The following ZNF518A variants were observed in gnomAD, a reference collection of about 807,000 sequenced individuals.
The protein encoded by ZNF518A is zinc finger protein 518.
Under a neutral mutation model 102.7 loss-of-function variants are expected in ZNF518A, and 47 were observed. That is an observed-to-expected ratio of 0.46 (90% confidence interval 0.36 to 0.58). The LOEUF is 0.58. Ranked by LOEUF, ZNF518A falls within the 20% of genes least tolerant of loss-of-function variation. The pLI is 0.00. For missense variants in ZNF518A, 1,793 were observed against 1,699.8 expected, an observed-to-expected ratio of 1.05 and a Z score of -0.96; for synonymous variants, 652 against 594.6, an observed-to-expected ratio of 1.10 and a Z score of -1.40.
rs2083651349 is a variant in ZNF518A, at chr10:96,201,895, A to G, written n.36-1679A>G. On this transcript the variant is annotated intron_variant and non_coding_transcript_variant, in intron 1 of 2. Coordinates refer to the ZNF518A transcript ENST00000442635. ...AGATGGGCAATAAAGACATAAGTAA[A>G]AAATATATATATAATGTTAGAGGGT... 2.0e-5 allele frequency among the ~76,000 whole-genome samples: 3 copies of G among 152,268 alleles called. No homozygotes were observed. The South Asian group carries it at 6.2e-4, about 32-fold the overall frequency.
rs116390570 is a variant in ZNF518A at position 96,158,911 on chromosome 10, A to G, written c.2589A>G (p.Lys863=). 1.6e-4 allele frequency: 256 copies of G among 1,613,678 alleles called. 2 individuals carry two copies. In the African/African-American group the frequency reaches 3.2e-3, roughly 20 times the overall value. ...TGAATTTGAAATTTGGAAAAGAAAA[A>G]CAAGTGTCATCAATACCACAAGATG... ...NDLNLKFGKE[K]QVSSIPQDVR... The change falls in exon 6 of 6, where the codon AAA becomes AAG. Residue 863 remains lysine, a synonymous_variant. Coordinates refer to ENST00000316045, the MANE Select transcript of ZNF518A (RefSeq NM_001330736.2).
intron 1 of ZNF518A, among the ~76,000 whole-genome samples, chr10:96,169,254 C>T (rs912448169): frequency 2.6e-5 from 4 of 152,330 alleles, no homozygotes; most frequent in Non-Finnish European, 5.9e-5. Context: ...ATCCTCCTTC[C>T]TTGGCCTCCC....
chr10:96,194,768 A>ATTTTTTTTTT lies in ZNF518A; in HGVS notation n.36-8795_36-8786dup, dbSNP rs71034364. On this transcript the variant is annotated intron_variant and non_coding_transcript_variant, in intron 1 of 2. Transcript: ENST00000442635. ...ATCACTAATCATCAGAGAAATGCAAATTTTTTTTTTTTTTTTTTTTGAGAC... is the reference window on the plus strand; with the variant it reads ...ATCACTAATCATCAGAGAAATGCAAATTTTTTTTTTTTTTTTTTTTTTTTTTTTTTGAGAC... 4.7e-3 allele frequency among the ~76,000 whole-genome samples: 521 copies of ATTTTTTTTTT among 110,238 alleles called. 20 individuals are homozygous for ATTTTTTTTTT. The highest frequency in any genetic ancestry group is 6.0e-3 in the Non-Finnish European group (333 of 55,274). The allele number at this position is 110,238 out of a possible 152,430, so 72.3% of individuals were successfully genotyped here. A position where few individuals can be genotyped will look rare whatever the true frequency, so the allele number is the denominator to read the frequency against.
chr10:96,144,898 T>C (rs1224975906), intron 3 of ZNF518A, among the ~76,000 whole-genome samples: 1 of 152,196 alleles, frequency 6.6e-6, no homozygotes, highest in African/African-American at 2.4e-5. Flanking sequence ...TTGCAAAAAT[T>C]GTTCAACATT....
chr10:96,132,983 G>GT (rs1325185876), intron 2 of ZNF518A: 1 of 152,028 alleles, frequency 6.6e-6, no homozygotes, highest in Non-Finnish European at 1.5e-5. Context: ...TCAACCTGTA[G>GT]TTTTACATAT....
chr10:96,146,210 AATC>A (rs1554878451), intron 3 of ZNF518A, among the ~76,000 whole-genome samples: 1 of 152,132 alleles, frequency 6.6e-6, no homozygotes, highest in African/African-American at 2.4e-5. Context: ...TAATTGATTT[AATC>A]ATCATTTATT....
At chr10:96,131,906 A>G (rs587607811) in intron 1 of ZNF518A, among the ~76,000 whole-genome samples, 18 of 152,280 alleles carry the variant, frequency 1.2e-4, no homozygotes, top group African/African-American at 3.8e-4. Flanking sequence ...TATGCTTTAA[A>G]TGCCCTTTAA....
chr10:96,176,324 G>A (rs782176888), intron 1 of ZNF518A, among the ~76,000 whole-genome samples: 53 of 152,094 alleles, frequency 3.5e-4, no homozygotes, highest in Non-Finnish European at 3.8e-4. Context: ...TGTAACTGGA[G>A]TCCCAGAAAA....
chr10:96,150,742 C>CTTTTTTTTTTTTT (rs1564759772), intron 3 of ZNF518A, among the ~76,000 whole-genome samples: 1 of 14,530 alleles, frequency 6.9e-5, no homozygotes, highest in African/African-American at 1.6e-4. Flanking sequence ...TTCTTTCTTT[C>CTTTTTTTTTTTTT]CTTTTTTTTT....
chr10:96,171,925 T>C (rs782218855), intron 1 of ZNF518A, among the ~76,000 whole-genome samples: 5 of 151,998 alleles, frequency 3.3e-5, no homozygotes, highest in Non-Finnish European at 7.4e-5. Flanking sequence ...AAATGATGCA[T>C]GGAACCCCCA....
intron 1 of ZNF518A, among the ~76,000 whole-genome samples, chr10:96,202,311 A>G (rs1397339011): frequency 2.6e-5 from 4 of 152,286 alleles, no homozygotes; most frequent in African/African-American, 9.6e-5. Context: ...AGAGGGTGGC[A>G]ACAGCAGAGT....
chr10:96,186,466 T>G (rs1321334806), intron 1 of ZNF518A, among the ~76,000 whole-genome samples: 2 of 152,190 alleles, frequency 1.3e-5, no homozygotes, highest in African/African-American at 2.4e-5. Flanking sequence ...GGCACGATCT[T>G]GGCTCACTGC....
chr10:96,204,062 A>G, exon 3 of ZNF518A: 1 of 1,613,626 alleles, frequency 6.2e-7, no homozygotes. Flanking sequence ...CTTACTTGGC[A>G]GAGGTATGGG....
At chr10:96,189,933 G>A (rs1204465115) in intron 1 of ZNF518A, 12 of 968,474 alleles carry the variant, frequency 1.2e-5, no homozygotes, top group South Asian at 3.8e-5. Flanking sequence ...AAAAGCACTG[G>A]TGGTGTTATT....
chr10:96,165,267 C>G (rs587613129), downstream of ZNF518A, among the ~76,000 whole-genome samples: 199 of 152,172 alleles, frequency 1.3e-3, 1 homozygote, highest in Middle Eastern at 6.8e-3. Context: ...ACCACGATAC[C>G]CAGCTAATTT....
At chr10:96,148,809 A>G (rs1311135391) in intron 3 of ZNF518A, among the ~76,000 whole-genome samples, 1 of 152,154 alleles carries the variant, frequency 6.6e-6, no homozygotes, top group Admixed American at 6.5e-5. Context: ...TCTGCCTCCC[A>G]GGTTCACACC....
rs1554884677 is a variant in ZNF518A, at chr10:96,158,457, C to T, written c.2135C>T (p.Ala712Val). The part of the protein sequence containing the change: ...LLNDKDGTLK[A>V]KSEIEEQYVL... ...AATGATAAAGATGGAACTTTAAAAG[C>T]AAAATCTGAAATTGAAGAACAGTAT... Residue 712 changes from alanine (A) to valine (V), a missense_variant, in exon 6 of 6, where the codon GCA becomes GTA. By Grantham distance (64) the Ala-to-Val change is moderately conservative. Around this residue, in one of 3 missense-constraint regions of ZNF518A, gnomAD observed 1,741 missense variants for 1,622.6 expected, o/e 1.07. Transcript: ENST00000316045. 6.2e-7 allele frequency: 1 copy of T among 1,612,464 alleles called. No homozygotes were observed. Among genetic ancestry groups the T allele is most frequent in the Admixed American group, 1.7e-5 (1 of 59,786 alleles).
intron 3 of ZNF518A, among the ~76,000 whole-genome samples, chr10:96,149,019 T>A (rs1168095889): frequency 4.0e-5 from 6 of 151,472 alleles, no homozygotes; most frequent in South Asian, 4.2e-4. Flanking sequence ...CTGGCCTGAT[T>A]TTTTTTTTCT....
intron 3 of ZNF518A, among the ~76,000 whole-genome samples, chr10:96,146,660 G>T (rs1389508145): frequency 6.6e-6 from 1 of 152,152 alleles, no homozygotes; most frequent in African/African-American, 2.4e-5. Flanking sequence ...GTGGTTTAAA[G>T]ATAAAACAAA....
Sources: allele counts gnomAD v4.1 joint callset (sites outside exome capture counted in the v4.1 genomes callset), GRCh38; gene constraint gnomAD v4.1.1; regional missense constraint gnomAD v4.1.1; transcripts MANE v1.5; gene names NCBI Gene and HGNC (gene_info 2026-07-23, HGNC 2026-07-21).